The following POU6F2 variants were observed in gnomAD, a reference collection of about 807,000 sequenced individuals.
POU6F2 encodes the protein POU domain, class 6, transcription factor 2.
Under a neutral mutation model 71.3 loss-of-function variants are expected in POU6F2, and 31 were observed. The observed-to-expected ratio is 0.43, with a 90% CI of 0.33 to 0.59. The LOEUF (loss-of-function observed/expected upper bound fraction) is 0.59. Ranked by LOEUF, POU6F2 falls within the 20% of genes least tolerant of loss-of-function variation. The pLI is 0.04. For synonymous variants in POU6F2, 347 were observed against 355.7 expected, an observed-to-expected ratio of 0.98 and a Z score of 0.27; for missense variants, 783 against 856.8, an observed-to-expected ratio of 0.91 and a Z score of 1.07.
intron 1 of POU6F2, among the ~76,000 whole-genome samples, chr7:39,018,973 G>A (rs537486325): frequency 6.6e-6 from 1 of 152,196 alleles, no homozygotes; most frequent in East Asian, 1.9e-4. Context: ...TGCAGCCTTG[G>A]TTTTCCAGGA....
intron 1 of POU6F2, among the ~76,000 whole-genome samples, chr7:39,042,030 C>T: frequency 6.6e-6 from 1 of 151,894 alleles, no homozygotes; most frequent in East Asian, 1.9e-4. Flanking sequence ...AGCCTCTTGT[C>T]TTCTTGGATA....
At chr7:39,024,964 C>T (rs535043418) in intron 1 of POU6F2, among the ~76,000 whole-genome samples, 84 of 152,128 alleles carry the variant, frequency 5.5e-4, no homozygotes, top group African/African-American at 2.0e-3. Flanking sequence ...GTCTAAAATT[C>T]TCTTTTTTGG....
intron 1 of POU6F2, among the ~76,000 whole-genome samples, chr7:39,013,809 G>A (rs1487627548): frequency 6.6e-6 from 1 of 152,120 alleles, no homozygotes; most frequent in Non-Finnish European, 1.5e-5. Context: ...GTTGTAATAT[G>A]TCATCTTTCC....
chr7:39,125,587 C>A (rs1380641496), intron 2 of POU6F2, among the ~76,000 whole-genome samples: 1 of 151,808 alleles, frequency 6.6e-6, no homozygotes, highest in Non-Finnish European at 1.5e-5. Flanking sequence ...TCTGGATTTT[C>A]TAGTCTCATT....
intron 2 of POU6F2, among the ~76,000 whole-genome samples, chr7:39,116,563 C>T (rs1791934516): frequency 1.3e-5 from 2 of 152,076 alleles, no homozygotes; most frequent in South Asian, 4.1e-4. Context: ...AATAGGGAGG[C>T]TAACTGTTTA....
chr7:39,448,991 C>G (rs888758516), intron 7 of POU6F2, among the ~76,000 whole-genome samples: 1 of 152,194 alleles, frequency 6.6e-6, no homozygotes, highest in African/African-American at 2.4e-5. Flanking sequence ...ATTATGTGCT[C>G]AGCAGTTTGG....
intron 7 of POU6F2, among the ~76,000 whole-genome samples, chr7:39,436,901 T>A (rs950730158): frequency 1.3e-5 from 2 of 152,228 alleles, no homozygotes; most frequent in Non-Finnish European, 2.9e-5. Context: ...TTGTCTTTGA[T>A]TCTCTTTATG....
In POU6F2 at chr7:39,451,677, T is replaced by G; in HGVS notation, c.1465T>G (p.Leu489Val). Reference sequence around the variant, plus strand: ...CTCCTCATCCTCCTCTTCTTCAGCTTTGAGCGTGGGCCAGTTAGTCAGCAG... The same window carrying G: ...CTCCTCATCCTCCTCTTCTTCAGCTGTGAGCGTGGGCCAGTTAGTCAGCAG... The part of the protein sequence containing the change: ...SSSSSSSSSA[L>V]SVGQLVSNPQ... The change falls in exon 8 of 10, where the codon TTG becomes GTG. Residue 489 changes from leucine (L) to valine (V), a missense_variant. Transcript: ENST00000518318. The G allele has an allele frequency of 6.2e-7, 1 of 1,603,440 alleles. No individual in the cohort carries two copies. Among genetic ancestry groups the G allele is most frequent in the Non-Finnish European group, 8.5e-7 (1 of 1,174,850 alleles).
chr7:39,418,929 G>GTA (rs1787751468), intron 6 of POU6F2, among the ~76,000 whole-genome samples: 1 of 139,974 alleles, frequency 7.1e-6, no homozygotes, highest in South Asian at 2.2e-4. Context: ...ATGTATATAT[G>GTA]TATATATGTG....
intron 2 of POU6F2, among the ~76,000 whole-genome samples, chr7:39,117,325 C>A (rs1791951071): frequency 1.3e-5 from 2 of 152,088 alleles, no homozygotes; most frequent in Admixed American, 6.6e-5. Context: ...GAAACCAAAC[C>A]AGCTCCCATA....
chr7:39,257,972 A>G (rs1784058266), intron 4 of POU6F2, among the ~76,000 whole-genome samples: 1 of 152,226 alleles, frequency 6.6e-6, no homozygotes, highest in African/African-American at 2.4e-5. Flanking sequence ...AGTGCTTAAT[A>G]CTATTTACGT....
chr7:39,137,176 T>C (rs1792405094), intron 2 of POU6F2, among the ~76,000 whole-genome samples: 1 of 152,170 alleles, frequency 6.6e-6, no homozygotes, highest in Non-Finnish European at 1.5e-5. Context: ...GATTAATGTT[T>C]GAAATGGTGG....
chr7:39,323,830 C>T (rs1323872350), intron 4 of POU6F2, among the ~76,000 whole-genome samples: 1 of 152,054 alleles, frequency 6.6e-6, no homozygotes, highest in Non-Finnish European at 1.5e-5. Flanking sequence ...CTTGCACCGC[C>T]AGGCAAGGTG....
At chr7:39,198,355 A>G (rs1167927302) in intron 2 of POU6F2, among the ~76,000 whole-genome samples, 2 of 152,204 alleles carry the variant, frequency 1.3e-5, no homozygotes, top group African/African-American at 4.8e-5. Context: ...TTCTTTTTGT[A>G]GTTTATCTAA....
chr7:39,103,868 T>A (rs1446976764), intron 2 of POU6F2, among the ~76,000 whole-genome samples: 1 of 152,168 alleles, frequency 6.6e-6, no homozygotes, highest in African/African-American at 2.4e-5. Context: ...AGAGAAGGCA[T>A]CCCAGGTAGG....
rs1199309217 is a variant in POU6F2, at chr7:39,122,704, ATTTTT to A, written c.277+36689_277+36693del. Among the ~76,000 whole-genome samples the A allele has an allele frequency of 4.7e-4, 55 of 117,144 alleles. 2 individuals are homozygous for A. Among genetic ancestry groups the A allele is most frequent in the Admixed American group, 2.0e-3 (22 of 11,020 alleles). 76.9% of individuals were successfully genotyped at this position (117,144 alleles called of 152,430 possible). A position where few individuals can be genotyped will look rare whatever the true frequency, so the allele number is the denominator to read the frequency against. The stretch of plus-strand genomic sequence containing the variant: ...GGGGAGGTCATAAATATGCATGCCT[ATTTTT>A]TTTTTTTTTTTTTTTGGAGATGGAA... On this transcript the variant is annotated intron_variant, in intron 2 of 9. Coordinates refer to ENST00000518318, the MANE Select transcript of POU6F2 (RefSeq NM_001370959.1).
intron 4 of POU6F2, among the ~76,000 whole-genome samples, chr7:39,295,283 TG>T (rs2128763195): frequency 6.6e-6 from 1 of 152,270 alleles, no homozygotes; most frequent in African/African-American, 2.4e-5. Context: ...ACTGCTTTCT[TG>T]GGACTCATGG....
chr7:39,257,850 T>G (rs887348363), intron 4 of POU6F2, among the ~76,000 whole-genome samples: 6 of 151,964 alleles, frequency 3.9e-5, no homozygotes, highest in African/African-American at 1.4e-4. Flanking sequence ...TGCATGGCAC[T>G]GCCACACTTA....
chr7:39,133,511 A>G (rs1792330888), intron 2 of POU6F2, among the ~76,000 whole-genome samples: 1 of 152,210 alleles, frequency 6.6e-6, no homozygotes, highest in Non-Finnish European at 1.5e-5. Context: ...TGGTGAATGT[A>G]CTCAAGAATT....
Sources: allele counts gnomAD v4.1 joint callset (sites outside exome capture counted in the v4.1 genomes callset), GRCh38; gene constraint gnomAD v4.1.1; transcripts MANE v1.5; gene names NCBI Gene and HGNC (gene_info 2026-07-23, HGNC 2026-07-21).